The following FGGY variants were observed in gnomAD, a reference collection of about 807,000 sequenced individuals.
The protein encoded by FGGY is FGGY carbohydrate kinase domain containing, also known as FGGY carbohydrate kinase domain-containing protein.
Under a neutral mutation model 71.3 loss-of-function variants are expected in FGGY, and 72 were observed. The observed-to-expected ratio is 1.01, with a 90% CI of 0.84 to 1.23. The LOEUF (loss-of-function observed/expected upper bound fraction) is 1.23. Ranked by LOEUF, FGGY falls within the 50% of genes most tolerant of loss-of-function variation. FGGY has a pLI of 0.00. For synonymous variants in FGGY, 251 were observed against 250.3 expected, an observed-to-expected ratio of 1.00 and a Z score of -0.02; for missense variants, 668 against 682.3, an observed-to-expected ratio of 0.98 and a Z score of 0.23.
rs2098165622 is a variant in FGGY at position 59,743,273 on chromosome 1, A to T, written c.1513-14658A>T. On this transcript the variant is annotated intron_variant, in intron 14 of 15. Coordinates refer to ENST00000303721, the MANE Select transcript of FGGY (RefSeq NM_018291.5). ...CCCAGCCAACTCCTTGTCAACCTTC[A>T]GCTAGTTCCATAAGTTTCCATAGTA... is the stretch of plus-strand genomic sequence containing the variant. 4.6e-5 allele frequency among the ~76,000 whole-genome samples: 7 copies of T among 152,114 alleles called. No homozygotes were observed. The South Asian group carries it at 1.5e-3, about 32-fold the overall frequency.
At chr1:59,692,634 C>T (rs202156359) in intron 14 of FGGY, among the ~76,000 whole-genome samples, 1 of 91,014 alleles carries the variant, frequency 1.1e-5, no homozygotes, top group Non-Finnish European at 2.3e-5. Flanking sequence ...GATGAGAGGA[C>T]AAAAAAAAAA....
At chr1:59,319,423 G>T (rs2045994785) in intron 1 of FGGY, among the ~76,000 whole-genome samples, 1 of 152,122 alleles carries the variant, frequency 6.6e-6, no homozygotes. Flanking sequence ...CAGTTAGGAA[G>T]ACAGACATGG....
intron 7 of FGGY, among the ~76,000 whole-genome samples, chr1:59,513,436 T>G (rs1486924192): frequency 6.6e-6 from 1 of 152,228 alleles, no homozygotes; most frequent in Non-Finnish European, 1.5e-5. Context: ...ATGTTCTTTG[T>G]CCAGAATGAT....
At chr1:59,620,909 A>G (rs1013393150) in intron 9 of FGGY, among the ~76,000 whole-genome samples, 1 of 152,128 alleles carries the variant, frequency 6.6e-6, no homozygotes, top group Non-Finnish European at 1.5e-5. Flanking sequence ...TAAACAATGT[A>G]TTAGTCTACT....
chr1:59,635,380 A>G (rs2153882086), intron 10 of FGGY, among the ~76,000 whole-genome samples: 1 of 152,306 alleles, frequency 6.6e-6, no homozygotes, highest in Non-Finnish European at 1.5e-5. Context: ...CCATATATGT[A>G]GAGGCTAAAT....
chr1:59,735,853 AT>A (rs928713465), intron 14 of FGGY, among the ~76,000 whole-genome samples: 3 of 152,196 alleles, frequency 2.0e-5, no homozygotes, highest in East Asian at 1.9e-4. Flanking sequence ...CCTTTCTTAG[AT>A]TTTTTTCCCC....
chr1:59,620,493 G>T (rs545935148), intron 9 of FGGY, among the ~76,000 whole-genome samples: 166 of 151,734 alleles, frequency 1.1e-3, no homozygotes, highest in African/African-American at 3.9e-3. Flanking sequence ...ATTTTACTTG[G>T]GTTGTTTAGA....
At chr1:59,528,000 A>G (rs1427413954) in intron 7 of FGGY, among the ~76,000 whole-genome samples, 1 of 152,200 alleles carries the variant, frequency 6.6e-6, no homozygotes, top group East Asian at 1.9e-4. Context: ...CCCCACCACC[A>G]CAACTCATTC....
At chr1:59,611,631 G>A (rs1013772994) in intron 9 of FGGY, among the ~76,000 whole-genome samples, 5 of 152,186 alleles carry the variant, frequency 3.3e-5, no homozygotes, top group Admixed American at 1.3e-4. Context: ...CACCAGCAAC[G>A]GAACAAAGCT....
intron 8 of FGGY, among the ~76,000 whole-genome samples, chr1:59,559,885 C>G (rs1300245961): frequency 5.9e-5 from 9 of 152,016 alleles, no homozygotes; most frequent in Admixed American, 5.2e-4. Context: ...ATAAATAAAT[C>G]AATGAAAAGA....
chr1:59,331,584 G>A (rs1423803645), intron 2 of FGGY, among the ~76,000 whole-genome samples: 1 of 151,978 alleles, frequency 6.6e-6, no homozygotes, highest in Non-Finnish European at 1.5e-5. Flanking sequence ...CCTCCTCCTT[G>A]CATTCCTAAT....
chr1:59,730,128 T>A (rs1266784913), intron 14 of FGGY, among the ~76,000 whole-genome samples: 1 of 151,926 alleles, frequency 6.6e-6, no homozygotes, highest in Non-Finnish European at 1.5e-5. Context: ...CCCCAACACT[T>A]CAAATTACCA....
At position 59,346,320 on chromosome 1, in the gene FGGY, C is replaced by A. The variant is rs768744466; in HGVS notation, c.387C>A (p.Thr129=). ...GTCAAGTTAACAGGATCAATGAGACCAAGCACAGTGTCCTCCAGTACGTCG... is the reference window on the plus strand; with the variant it reads ...GTCAAGTTAACAGGATCAATGAGACAAAGCACAGTGTCCTCCAGTACGTCG... The part of the protein sequence containing the change: ...AVSQVNRINE[T]KHSVLQYVGG... The change falls in exon 4 of 16, where the codon ACC becomes ACA. Residue 129 remains threonine (T), a synonymous_variant. Transcript: ENST00000303721. 11 of 1,612,220 alleles carry A rather than the reference C, an allele frequency of 6.8e-6. No individual in the cohort carries two copies. The African/African-American group carries it at 1.5e-4, about 22-fold the overall frequency.
chr1:59,653,277 C>T (rs1456547775), intron 11 of FGGY, among the ~76,000 whole-genome samples: 2 of 152,244 alleles, frequency 1.3e-5, no homozygotes, highest in African/African-American at 4.8e-5. Flanking sequence ...GTGGTGGACT[C>T]CACCCAGTTC....
intron 14 of FGGY, among the ~76,000 whole-genome samples, chr1:59,707,624 A>G (rs2154024441): frequency 6.6e-6 from 1 of 152,338 alleles, no homozygotes; most frequent in East Asian, 1.9e-4. Context: ...TCTCGTCACA[A>G]CAGCCCACTG....
chr1:59,308,389 A>C lies in FGGY; in HGVS notation c.-15+11239A>C, dbSNP rs563403798. Among the ~76,000 whole-genome samples, 3 of 152,316 alleles carry C rather than the reference A, an allele frequency of 2.0e-5. No individual in the cohort carries two copies. The South Asian group carries it at 6.2e-4, about 32-fold the overall frequency. ...CAATACAGAGAAGGTCTTCCTTCCT[A>C]TTACTGTAATAGCTGCTCATTGAGA... On this transcript the variant is annotated intron_variant, in intron 1 of 15. Transcript: ENST00000303721.
intron 4 of FGGY, among the ~76,000 whole-genome samples, chr1:59,367,428 T>C (rs910757386): frequency 3.3e-5 from 5 of 152,248 alleles, no homozygotes; most frequent in African/African-American, 9.6e-5. Flanking sequence ...TCTAGCTCTT[T>C]CTTGGGTAGT....
intron 5 of FGGY, among the ~76,000 whole-genome samples, chr1:59,429,398 T>C (rs1196166480): frequency 6.6e-6 from 1 of 152,250 alleles, no homozygotes; most frequent in Non-Finnish European, 1.5e-5. Flanking sequence ...TTTTGCTTGG[T>C]AAGTTTCTTT....
intron 5 of FGGY, among the ~76,000 whole-genome samples, chr1:59,409,970 A>G (rs572915438): frequency 1.3e-5 from 2 of 152,282 alleles, no homozygotes; most frequent in African/African-American, 4.8e-5. Context: ...TTTGCTCAAG[A>G]TCACACAGGA....
Sources: gnomAD v4.1 joint callset for allele counts (sites outside exome capture counted in the v4.1 genomes callset) on GRCh38, gnomAD v4.1.1 for gene constraint, MANE v1.5 for transcripts, NCBI Gene and HGNC (gene_info 2026-07-23, HGNC 2026-07-21) for gene names.